DNAH10: variants seen among roughly 807,000 people sequenced by gnomAD.
DNAH10 encodes axonemal beta dynein heavy chain 10.
DNAH10 carries 348 observed loss-of-function variants against 506.6 expected under a neutral mutation model. That is an observed-to-expected ratio of 0.69 (90% CI 0.63 to 0.75). DNAH10 has a LOEUF of 0.75. DNAH10 is among the 30% of genes least tolerant of loss of function. DNAH10 has a pLI of 0.00. For synonymous variants in DNAH10, 2,059 were observed against 2,198.6 expected (o/e 0.94, Z 1.78); for missense variants, 5,179 against 5,787.1 (o/e 0.89, Z 3.41).
chr12:123,805,207 C>T (rs1333161892), intron 18 of DNAH10, among the ~76,000 whole-genome samples, 167 bp downstream of exon 18: 1 of 152,090 alleles, frequency 6.6e-6, no homozygotes, highest in African/African-American at 2.4e-5. Context: ...CCTTCATGAT[C>T]TTGTTAGGCC....
chr12:123,869,353 C>T (rs1349846111), intron 43 of DNAH10, among the ~76,000 whole-genome samples: 2 of 152,130 alleles, frequency 1.3e-5, no homozygotes, highest in Non-Finnish European at 2.9e-5. Flanking sequence ...TGCCTAATTG[C>T]TCTGCTGAAT....
At chr12:123,800,409 A>C (rs927306864) in intron 15 of DNAH10, 21 bp downstream of exon 15, 2 of 1,607,888 alleles carry the variant, frequency 1.2e-6, no homozygotes, top group Admixed American at 3.4e-5. Flanking sequence ...TCTTCTTTTA[A>C]ATTAGCAGTA....
chr12:123,783,700 C>A (rs892160317), intron 7 of DNAH10, among the ~76,000 whole-genome samples: 1 of 152,202 alleles, frequency 6.6e-6, no homozygotes, highest in African/African-American at 2.4e-5. Context: ...GGCTTCCTTG[C>A]AGCAGTTTCT....
At chr12:123,855,581 C>G (rs1951350195) in intron 36 of DNAH10, among the ~76,000 whole-genome samples, 1 of 150,176 alleles carries the variant, frequency 6.7e-6, no homozygotes, top group African/African-American at 2.5e-5. Context: ...CTGCAATGAG[C>G]CGAGATGGCA....
rs185022831 is a variant in DNAH10 at position 123,926,450 on chromosome 12, T to C, written c.11922-187T>C. On this transcript the variant is annotated intron_variant, in intron 68 of 78. Coordinates refer to ENST00000673944, the MANE Select transcript of DNAH10 (RefSeq NM_001372106.1). The surrounding 1 kb of genome is among the most constrained non-coding windows in gnomAD (Gnocchi z 4.1). ...CAGAGAAGTCCCTGCCACTCAGGAG[T>C]TCCCCATCAGGGTGGGAGACGTGCA... is the stretch of plus-strand genomic sequence containing the variant. 1.2e-5 allele frequency: 7 copies of C among 593,654 alleles called. No individual in the cohort carries two copies. The highest frequency in any genetic ancestry group is 9.5e-5 in the African/African-American group (5 of 52,586). The allele number at this position is 593,654 out of a possible 1,614,324, so 36.8% of individuals were successfully genotyped here.
Position 123,850,857 on chromosome 12 carries a change from G to T in DNAH10, c.6103-31G>T, listed in dbSNP as rs1015510723. On this transcript the variant is annotated intron_variant, in intron 34 of 78. Transcript: ENST00000673944. The surrounding 1 kb of genome is among the most constrained non-coding windows in gnomAD (Gnocchi z 5.5). ...GGCTGGCCGGCCGGGCCACCTAACTGCTTCTTTCTTTCTTCCTTCTTGCCC... is the reference window on the plus strand; with the variant it reads ...GGCTGGCCGGCCGGGCCACCTAACTTCTTCTTTCTTTCTTCCTTCTTGCCC... 1 of 1,589,060 alleles carries T rather than the reference G, an allele frequency of 6.3e-7. No homozygotes were observed. The highest frequency in any genetic ancestry group is 1.7e-5 in the Admixed American group (1 of 57,690).
intron 51 of DNAH10, among the ~76,000 whole-genome samples, chr12:123,884,019 G>T (rs536950498): frequency 6.6e-6 from 1 of 152,166 alleles, no homozygotes; most frequent in East Asian, 1.9e-4. Context: ...TTCTCCTCCT[G>T]GCAAGCAAGA....
intron 12 of DNAH10, among the ~76,000 whole-genome samples, chr12:123,795,915 C>T (rs539401792): frequency 2.6e-5 from 4 of 152,212 alleles, no homozygotes; most frequent in African/African-American, 9.6e-5. Context: ...AGGGGATGGA[C>T]ACCCCATTCT....
intron 30 of DNAH10, 93 bp downstream of exon 30, chr12:123,841,638 C>A: frequency 1.6e-6 from 2 of 1,263,814 alleles, no homozygotes; most frequent in Non-Finnish European, 2.2e-6. Context: ...GCTGACATTC[C>A]AAATGAGGTT....
In DNAH10 at chr12:123,881,669, G is replaced by C. The variant is rs1211137327; in HGVS notation, c.8679G>C (p.Leu2893Phe). ...ATGAAAGCAACACCAAAATGAACTT[G>C]GTTCTCTTCGACGATGCTCTGGAGC... The part of the protein sequence containing the change: ...EYNESNTKMN[L>F]VLFDDALEHL... Residue 2893 changes from leucine to phenylalanine, a missense_variant, in exon 51 of 79, where the codon TTG becomes TTC. Transcript: ENST00000673944. 3 of 1,544,156 alleles carry C rather than the reference G, an allele frequency of 1.9e-6. No homozygotes were observed. Among genetic ancestry groups the C allele is most frequent in the Non-Finnish European group, 2.6e-6 (3 of 1,144,732 alleles).
intron 11 of DNAH10, 66 bp downstream of exon 11, chr12:123,790,187 T>G: frequency 2.6e-6 from 4 of 1,522,418 alleles, no homozygotes; most frequent in Non-Finnish European, 3.6e-6. Context: ...GTTAAATTTG[T>G]TGGGTTATTT....
Position 123,787,816 on chromosome 12 carries a change from G to A in DNAH10, c.1434G>A (p.Ala478=), listed in dbSNP as rs764312185. 6.2e-6 allele frequency: 10 copies of A among 1,613,740 alleles called. No individual in the cohort carries two copies. Among genetic ancestry groups the A allele is most frequent in the African/African-American group, 1.3e-5 (1 of 74,942 alleles). ...CTTGGCTTCGCAGAGAAAATCGAGC[G>A]AGTGCCCAAAGCAAAACCTTGGAAG... The part of the protein sequence containing the change: ...NLRTLFKENR[A]SAQSKTLEAR... Residue 478 remains alanine (A), a synonymous_variant, in exon 10 of 79, where the codon GCG becomes GCA. Transcript: ENST00000673944. This position sits in a 1 kb window ranked among gnomAD's most constrained non-coding sequence, Gnocchi z 4.6.
At position 123,914,861 on chromosome 12, in the gene DNAH10, C is replaced by G. The variant is rs1342451419; in HGVS notation, c.10584C>G (p.Ser3528=). The change falls in exon 62 of 79, where the codon TCC becomes TCG. Residue 3528 remains serine, a synonymous_variant. Coordinates refer to ENST00000673944, the MANE Select transcript of DNAH10 (RefSeq NM_001372106.1). ...TDDVEISRWG[S]QGLPPDELSV... Reference sequence around the variant, plus strand: ...TGGCTGTTTCTTCCAGATGGGGATCCCAGGGCCTTCCCCCCGATGAGCTCT... The same window carrying G: ...TGGCTGTTTCTTCCAGATGGGGATCGCAGGGCCTTCCCCCCGATGAGCTCT... The G allele has an allele frequency of 1.2e-6, 2 of 1,613,136 alleles. No individual in the cohort carries two copies. Among genetic ancestry groups the G allele is most frequent in the Non-Finnish European group, 1.7e-6 (2 of 1,179,710 alleles).
chr12:123,926,600 T>C lies in DNAH10; in HGVS notation c.11922-37T>C. On this transcript the variant is annotated intron_variant, in intron 68 of 78. Transcript: ENST00000673944. This position sits in a 1 kb window ranked among gnomAD's most constrained non-coding sequence, Gnocchi z 4.1. ...ACCAGCCCCTGGTCTGGAGCTGTCC[T>C]CGCGGGAGAGTTTTCTGACTGTGTT... 1 of 1,599,774 alleles carries C rather than the reference T, an allele frequency of 6.3e-7. No individual in the cohort carries two copies. Among genetic ancestry groups the C allele is most frequent in the Non-Finnish European group, 8.5e-7 (1 of 1,172,466 alleles).
intron 62 of DNAH10, among the ~76,000 whole-genome samples, chr12:123,915,722 A>G (rs1418134913): frequency 6.6e-6 from 1 of 152,138 alleles, no homozygotes; most frequent in African/African-American, 2.4e-5. Flanking sequence ...CTTGGGCTGA[A>G]TGATATTCCG....
At chr12:123,766,613 T>G (rs73420364) in intron 1 of DNAH10, among the ~76,000 whole-genome samples, 1 of 152,096 alleles carries the variant, frequency 6.6e-6, no homozygotes, top group East Asian at 1.9e-4. Flanking sequence ...GAATAATGTC[T>G]GTCTATCCTT....
In DNAH10 at chr12:123,871,171, G is replaced by A. The variant is rs547264861; in HGVS notation, c.7640-286G>A. Among the ~76,000 whole-genome samples, 8 of 152,336 alleles carry A rather than the reference G, an allele frequency of 5.3e-5. No homozygotes were observed. In the South Asian group the frequency reaches 1.5e-3, roughly 28 times the overall value. On this transcript the variant is annotated intron_variant, in intron 44 of 78. Coordinates refer to ENST00000673944, the MANE Select transcript of DNAH10 (RefSeq NM_001372106.1). ...TCCCGCAGGGGTCTGAGTGATGTCA[G>A]CAACAAAGAAGCTGAGTTTTTGATA...
intron 45 of DNAH10, among the ~76,000 whole-genome samples, chr12:123,872,920 A>C (rs560227100): frequency 1.4e-4 from 22 of 152,358 alleles, no homozygotes; most frequent in Admixed American, 3.3e-4. Context: ...CTGATGCATA[A>C]TTAGTTAAGT....
In DNAH10 at chr12:123,918,883, C is replaced by T; in HGVS notation, c.11440C>T (p.Leu3814Phe). The change falls in exon 65 of 79, where the codon CTC (leucine) becomes TTC (phenylalanine). Residue 3814 changes from leucine to phenylalanine, a missense_variant. Transcript: ENST00000673944. ...GAAGAAGTCGCTGCCTGATTCCATC[C>T]TCATGAAACGCCTGAGGAACATCAT... The part of the protein sequence containing the change: ...SLKKSLPDSI[L>F]MKRLRNIMDT... 4.3e-6 allele frequency: 7 copies of T among 1,613,900 alleles called. No homozygotes were observed. Among genetic ancestry groups the T allele is most frequent in the Non-Finnish European group, 5.9e-6 (7 of 1,179,884 alleles).
Sources: gnomAD v4.1 joint callset for allele counts (sites outside exome capture counted in the v4.1 genomes callset) on GRCh38, gnomAD v4.1.1 for gene constraint, Gnocchi (gnomAD v3.1) non-coding constraint, MANE v1.5 for transcripts, NCBI Gene and HGNC (gene_info 2026-07-23, HGNC 2026-07-21) for gene names.